The following FAM193A variants were observed in gnomAD, a reference collection of about 807,000 sequenced individuals.
FAM193A encodes family with sequence similarity 193 member A.
A neutral mutation model predicts 126.5 loss-of-function variants in FAM193A; 22 were observed. The observed-to-expected ratio is 0.17, with a 90% confidence interval of 0.12 to 0.25. The LOEUF (loss-of-function observed/expected upper bound fraction) is 0.25, where lower values mean the gene tolerates loss of function less well. FAM193A is among the 10% of genes least tolerant of loss of function. FAM193A has a pLI of 1.00. For synonymous variants in FAM193A, 761 were observed against 646.8 expected (o/e 1.18, Z -2.68); for missense variants, 1,675 against 1,672.8 (o/e 1.00, Z -0.02).
At chr4:2,612,086 T>C (rs1741911566) in intron 2 of FAM193A, among the ~76,000 whole-genome samples, 2 of 151,846 alleles carry the variant, frequency 1.3e-5, no homozygotes, top group South Asian at 4.2e-4. Context: ...TCCGTCTGTC[T>C]CGGCCTCCCA....
At chr4:2,615,719 A>G (rs1274344647) in intron 2 of FAM193A, among the ~76,000 whole-genome samples, 2 of 152,072 alleles carry the variant, frequency 1.3e-5, no homozygotes, top group Non-Finnish European at 2.9e-5. Flanking sequence ...GGGTTTCACC[A>G]TGTTGGCCAG....
In FAM193A at chr4:2,552,028, T is replaced by TTC. The variant is rs1178141490; in HGVS notation, c.255+14858_255+14859insTC. On this transcript the variant is annotated intron_variant, in intron 1 of 20. Coordinates refer to ENST00000637812, the MANE Select transcript of FAM193A (RefSeq NM_001366318.2). ...GGTAAATTTTTTTTTTTTTTTTTTT[T>TTC]CGAGACAGAGTCTTGCTCTGTCGCC... Among the ~76,000 whole-genome samples the TTC allele has an allele frequency of 3.4e-3, 501 of 148,572 alleles. 11 individuals carry two copies. The highest frequency in any genetic ancestry group is 0.012 in the African/African-American group (466 of 40,206).
At chr4:2,581,252 TTTC>T (rs1448567301) in intron 1 of FAM193A, among the ~76,000 whole-genome samples, 7 of 137,794 alleles carry the variant, frequency 5.1e-5, no homozygotes, top group Admixed American at 7.1e-5. Context: ...ATTTTCTTTC[TTTC>T]TTTTTTTTTT....
At chr4:2,603,571 C>G (rs1482582724) in intron 2 of FAM193A, among the ~76,000 whole-genome samples, 5 of 150,670 alleles carry the variant, frequency 3.3e-5, no homozygotes, top group Middle Eastern at 3.2e-3. Flanking sequence ...ATTCTCCTGC[C>G]TCAGCCTCCC....
chr4:2,578,167 G>C (rs1052832642), intron 1 of FAM193A, among the ~76,000 whole-genome samples: 1 of 152,266 alleles, frequency 6.6e-6, no homozygotes, highest in East Asian at 1.9e-4. Context: ...CCGGGCTTAA[G>C]CAATTTTCCC....
intron 12 of FAM193A, among the ~76,000 whole-genome samples, chr4:2,670,138 C>T (rs1170194339): frequency 6.6e-6 from 1 of 152,180 alleles, no homozygotes; most frequent in African/African-American, 2.4e-5. Context: ...CTCATCTCTT[C>T]TCTCTCTTCC....
At chr4:2,677,019 A>T (rs231699) in intron 13 of FAM193A, among the ~76,000 whole-genome samples, 6,011 of 152,124 alleles carry the variant, frequency 0.04, 394 homozygotes, top group African/African-American at 0.14. Context: ...CCAATAAATC[A>T]TTGCCAGATC....
chr4:2,590,257 G>T (rs528191000), intron 1 of FAM193A, among the ~76,000 whole-genome samples: 1 of 151,466 alleles, frequency 6.6e-6, no homozygotes, highest in Admixed American at 6.6e-5. Context: ...AGATCACGAG[G>T]TCAGGAGATC....
In FAM193A at chr4:2,706,719, A is replaced by G. The variant is rs929008767; in HGVS notation, c.4372+6175A>G. 3.3e-5 allele frequency among the ~76,000 whole-genome samples: 5 copies of G among 151,018 alleles called. No homozygotes were observed. In the Admixed American group the frequency reaches 3.3e-4, roughly 10 times the overall value. On this transcript the variant is annotated intron_variant, in intron 19 of 20. Transcript: ENST00000637812. ...ATTTTTAGAGGCTCTACATGTTGTA[A>G]TATCTCGTAGGGCTGTTCTCTCCTC...
intron 17 of FAM193A, 140 bp downstream of exon 17, chr4:2,695,269 T>C (rs112734275): frequency 1.2e-4 from 81 of 650,178 alleles, no homozygotes; most frequent in Non-Finnish European, 9.0e-5. Flanking sequence ...AAGAAAAATA[T>C]ATGCCCAAAG....
intron 6 of FAM193A, among the ~76,000 whole-genome samples, chr4:2,640,312 T>G (rs151021752): frequency 6.4e-4 from 98 of 152,292 alleles, no homozygotes; most frequent in African/African-American, 2.2e-3. Context: ...TGTCTCCTGG[T>G]GTAGCGCATC....
intron 1 of FAM193A, among the ~76,000 whole-genome samples, chr4:2,569,605 C>T (rs1437373663): frequency 6.6e-6 from 1 of 152,072 alleles, no homozygotes; most frequent in Non-Finnish European, 1.5e-5. Context: ...TCAAGCTATC[C>T]TCCTGCCTCT....
rs376672419 is a variant in FAM193A at position 2,661,417 on chromosome 4, C to T, written c.1745+1363C>T. ...TACGGAGCTAGGGCTGGTGAAGCCT[C>T]CTGCTGTCACATGGAGCAAATGGCT... On this transcript the variant is annotated intron_variant, in intron 10 of 20. Transcript: ENST00000637812. 4.6e-5 allele frequency among the ~76,000 whole-genome samples: 7 copies of T among 152,330 alleles called. No homozygotes were observed. In the East Asian group the frequency reaches 1.2e-3, roughly 25 times the overall value.
intron 16 of FAM193A, 55 bp from the exon 17 acceptor site, chr4:2,694,891 A>G: frequency 6.8e-7 from 1 of 1,459,898 alleles, no homozygotes; most frequent in Admixed American, 2.3e-5. Flanking sequence ...CAACAATGTG[A>G]GTCATTGCCT....
chr4:2,539,480 G>T (rs902348589), intron 1 of FAM193A, among the ~76,000 whole-genome samples: 2 of 151,946 alleles, frequency 1.3e-5, no homozygotes, highest in Non-Finnish European at 1.5e-5. Context: ...GAGTACAGTT[G>T]CCTGGTCATA....
chr4:2,614,450 G>A (rs1323577778), intron 2 of FAM193A, among the ~76,000 whole-genome samples: 2 of 152,100 alleles, frequency 1.3e-5, no homozygotes, highest in East Asian at 3.8e-4. Context: ...TTGCATTCCT[G>A]GGATAACTCA....
intron 12 of FAM193A, among the ~76,000 whole-genome samples, chr4:2,663,978 T>C (rs538558830): frequency 3.3e-5 from 5 of 152,212 alleles, no homozygotes; most frequent in East Asian, 3.9e-4. Flanking sequence ...AAAATAATAA[T>C]AACAACAATA....
At chr4:2,695,549 C>G (rs893245969) in intron 17 of FAM193A, among the ~76,000 whole-genome samples, 6 of 152,170 alleles carry the variant, frequency 3.9e-5, no homozygotes, top group Admixed American at 6.5e-5. Flanking sequence ...CCAATTATCA[C>G]CCACTGTTTA....
At chr4:2,547,202 A>G (rs1737617317) in intron 1 of FAM193A, among the ~76,000 whole-genome samples, 2 of 152,144 alleles carry the variant, frequency 1.3e-5, no homozygotes, top group African/African-American at 2.4e-5. Flanking sequence ...AGCCTGGCCA[A>G]GGTGGTGAAA....
Sources: allele counts gnomAD v4.1 joint callset (sites outside exome capture counted in the v4.1 genomes callset), GRCh38; gene constraint gnomAD v4.1.1; transcripts MANE v1.5; gene names NCBI Gene and HGNC (gene_info 2026-07-23, HGNC 2026-07-21).